The following RALY variants were observed in gnomAD, a reference collection of about 807,000 sequenced individuals.
The protein encoded by RALY is RALY heterogeneous nuclear ribonucleoprotein, also known as RNA-binding protein Raly.
RALY carries 15 observed loss-of-function variants against 30.7 expected under a neutral mutation model. The observed-to-expected ratio is 0.49, with a 90% confidence interval of 0.33 to 0.75. RALY has a LOEUF of 0.75. Among genes scored for constraint, RALY ranks in the 30% least tolerant of loss-of-function variants. The pLI, the probability that RALY is intolerant of heterozygous loss-of-function variation, is 0.02. For missense variants in RALY, 339 were observed against 414.3 expected (o/e 0.82, Z 1.58); for synonymous variants, 177 against 170.8 (o/e 1.04, Z -0.28).
intron 1 of RALY, among the ~76,000 whole-genome samples, chr20:34,023,113 G>A (rs1042968753): frequency 3.0e-4 from 45 of 152,270 alleles, no homozygotes; most frequent in African/African-American, 8.9e-4. Flanking sequence ...TTGGCCCTGG[G>A]AATCCAAGAT....
At chr20:34,023,241 T>C (rs1005097805) in intron 1 of RALY, among the ~76,000 whole-genome samples, 2 of 152,250 alleles carry the variant, frequency 1.3e-5, no homozygotes, top group African/African-American at 4.8e-5. Flanking sequence ...ATGTGAGGAC[T>C]TAAGTTTTAG....
chr20:34,048,651 T>C (rs2123162895), intron 2 of RALY, among the ~76,000 whole-genome samples: 1 of 150,732 alleles, frequency 6.6e-6, no homozygotes, highest in Admixed American at 6.6e-5. Flanking sequence ...GGTCAGGAGA[T>C]CAAGACCATC....
At chr20:34,003,412 C>T (rs1031830823) in intron 1 of RALY, among the ~76,000 whole-genome samples, 4 of 151,960 alleles carry the variant, frequency 2.6e-5, no homozygotes, top group Admixed American at 2.0e-4. Context: ...CAGAATTTTC[C>T]TTAAGAGGGG....
chr20:34,079,502 A>G (rs1434911845), intron 9 of RALY, among the ~76,000 whole-genome samples: 4 of 152,220 alleles, frequency 2.6e-5, no homozygotes, highest in East Asian at 1.9e-4. Context: ...TAGATGACAC[A>G]TTTATGCTGT....
chr20:33,996,688 T>C lies in RALY; in HGVS notation c.-93+2557T>C, dbSNP rs1187426635. Reference sequence around the variant, plus strand: ...CCATTTAACCGTTTCAAAGTGTACATTTATGTGACATTAAATACATTCGCA... The same window carrying C: ...CCATTTAACCGTTTCAAAGTGTACACTTATGTGACATTAAATACATTCGCA... On this transcript the variant is annotated intron_variant, in intron 1 of 9. Transcript: ENST00000246194. 2.0e-5 allele frequency among the ~76,000 whole-genome samples: 3 copies of C among 152,160 alleles called. No homozygotes were observed. In the East Asian group the frequency reaches 5.8e-4, roughly 29 times the overall value.
chr20:34,053,787 A>G (rs2033156405), intron 2 of RALY, among the ~76,000 whole-genome samples: 1 of 152,170 alleles, frequency 6.6e-6, no homozygotes. Context: ...TTCCATTAAG[A>G]TAGCTTGGTG....
rs73606208 is a variant in RALY, at chr20:34,003,063, G to A, written c.-93+8932G>A. On this transcript the variant is annotated intron_variant, in intron 1 of 9. Coordinates refer to ENST00000246194, the MANE Select transcript of RALY (RefSeq NM_016732.3). The stretch of plus-strand genomic sequence containing the variant: ...CAAGGAGCCCTAGTAAATGGAAATG[G>A]TGGGCACATTGAGGCTCTCCTGGTT... 5.0e-3 allele frequency among the ~76,000 whole-genome samples: 767 copies of A among 152,244 alleles called. 17 individuals carry two copies. The highest frequency in any genetic ancestry group is 0.049 in the East Asian group (252 of 5,184).
At chr20:34,073,700 T>C in intron 4 of RALY, 65 bp downstream of exon 4, 1 of 1,541,126 alleles carries the variant, frequency 6.5e-7, no homozygotes, top group Non-Finnish European at 9.0e-7. Context: ...AGGGAGTAAA[T>C]GCTGGTGTGA....
At chr20:34,076,953 TC>T (rs2033897794) in intron 7 of RALY, 74 bp from the exon 8 acceptor site, 3 of 1,606,560 alleles carry the variant, frequency 1.9e-6, no homozygotes, top group South Asian at 2.2e-5. Flanking sequence ...GAGGCCAGCT[TC>T]CGCTAAGGTG....
At chr20:34,028,705 C>CAA (rs71338492) in intron 1 of RALY, among the ~76,000 whole-genome samples, 521 of 20,438 alleles carry the variant, frequency 0.025, 109 homozygotes, top group Non-Finnish European at 0.032. Context: ...GACTCCATCT[C>CAA]AAAAAAAAAA....
At chr20:34,060,210 C>T (rs1355573040) in intron 2 of RALY, among the ~76,000 whole-genome samples, 1 of 152,108 alleles carries the variant, frequency 6.6e-6, no homozygotes, top group Non-Finnish European at 1.5e-5. Context: ...CTTTTATACT[C>T]ACATGGAAAA....
Position 34,077,194 on chromosome 20 carries a change from C to A in RALY, c.825C>A (p.Thr275=). The A allele has an allele frequency of 6.2e-7, 1 of 1,613,884 alleles. No homozygotes were observed. Among genetic ancestry groups the A allele is most frequent in the Non-Finnish European group, 8.5e-7 (1 of 1,179,980 alleles). Residue 275 remains threonine (T), a synonymous_variant, in exon 8 of 10, where the codon ACC becomes ACA. Transcript: ENST00000246194. ...EAGLPQGEAR[T]RDDGDEEGLL... ...GCCTGCCCCAGGGGGAAGCACGGAC[C>A]CGAGACGACGGCGATGAGGAAGGGC...
intron 5 of RALY, among the ~76,000 whole-genome samples, chr20:34,074,964 GT>G (rs1227566917): frequency 3.3e-5 from 5 of 152,154 alleles, no homozygotes; most frequent in Admixed American, 6.5e-5. Context: ...TTGACCCAAA[GT>G]TTACCCCCTG....
chr20:34,050,689 A>C (rs1327676186), intron 2 of RALY, among the ~76,000 whole-genome samples: 2 of 152,180 alleles, frequency 1.3e-5, no homozygotes, highest in Admixed American at 6.5e-5. Context: ...GCCATCCCAT[A>C]TAATGGGGTT....
At chr20:34,044,294 C>G (rs754473323) in intron 2 of RALY, among the ~76,000 whole-genome samples, 1 of 150,122 alleles carries the variant, frequency 6.7e-6, no homozygotes, top group African/African-American at 2.4e-5. Context: ...TCTATTTGTA[C>G]GAGTATGTAG....
chr20:34,009,664 G>A (rs2031315632), intron 1 of RALY, among the ~76,000 whole-genome samples: 1 of 152,126 alleles, frequency 6.6e-6, no homozygotes, highest in Admixed American at 6.5e-5. Context: ...GCCAAATTTG[G>A]CAGAAGCTTT....
chr20:33,999,620 C>T (rs1287942380), intron 1 of RALY, among the ~76,000 whole-genome samples: 1 of 152,138 alleles, frequency 6.6e-6, no homozygotes, highest in Non-Finnish European at 1.5e-5. Context: ...AAGCCGAAGC[C>T]ACTTCTCTGC....
intron 2 of RALY, among the ~76,000 whole-genome samples, chr20:34,056,030 G>A (rs189810978): frequency 1.0e-3 from 159 of 152,296 alleles, no homozygotes; most frequent in Admixed American, 2.1e-3. Flanking sequence ...GGACTTACAA[G>A]TGCCTCCTTA....
At position 34,077,107 on chromosome 20, in the gene RALY, T is replaced by TGGCGGTGGCGGTGGC. The variant is rs751087883; in HGVS notation, c.739_753dup (p.Gly247_Gly251dup). The TGGCGGTGGCGGTGGC allele has an allele frequency of 4.4e-6, 7 of 1,597,472 alleles. No individual in the cohort carries two copies. The South Asian group carries it at 7.8e-5, about 18-fold the overall frequency. On this transcript the variant is annotated inframe_insertion, in exon 8 of 10. Coordinates refer to ENST00000246194, the MANE Select transcript of RALY (RefSeq NM_016732.3). ...GCAGCGGTGGCGGTGGCAGTGGTGGTGGCGGTGGCGGTGGCAGCAGCCGGC... is the reference window on the plus strand; with the variant it reads ...GCAGCGGTGGCGGTGGCAGTGGTGGTGGCGGTGGCGGTGGCGGCGGTGGCGGTGGCAGCAGCCGGC...
Sources: allele counts gnomAD v4.1 joint callset (sites outside exome capture counted in the v4.1 genomes callset), GRCh38; gene constraint gnomAD v4.1.1; transcripts MANE v1.5; gene names NCBI Gene and HGNC (gene_info 2026-07-23, HGNC 2026-07-21).